ME1: variants seen among roughly 807,000 people sequenced by gnomAD.
ME1 encodes the protein malic enzyme 1.
A neutral mutation model predicts 66.4 loss-of-function variants in ME1; 74 were observed. The observed-to-expected ratio is 1.11, with a 90% CI of 0.92 to 1.35. ME1 has a LOEUF of 1.35. Ranked by LOEUF, ME1 falls within the 40% of genes most tolerant of loss-of-function variation. The pLI is 0.00. For missense variants in ME1, 750 were observed against 694.1 expected (o/e 1.08, Z -0.90); for synonymous variants, 251 against 235.6 (o/e 1.07, Z -0.60).
intron 3 of ME1, among the ~76,000 whole-genome samples, chr6:83,379,961 C>A (rs977375424): frequency 3.3e-5 from 5 of 152,102 alleles, no homozygotes; most frequent in Non-Finnish European, 5.9e-5. Flanking sequence ...AACTAAAGTT[C>A]AGATGAGACA....
Position 83,211,890 on chromosome 6 carries a change from C to A in ME1, c.*34G>T. ...TAAAAATTATGAAAGGTTTAAAGAC[C>A]TCATTAATAGAGTTAGAAATGTTTG... is the stretch of plus-strand genomic sequence containing the variant. On this transcript the variant is annotated 3_prime_UTR_variant, in exon 14 of 14. Transcript: ENST00000369705. The A allele has an allele frequency of 1.4e-6, 2 of 1,417,828 alleles. No homozygotes were observed. Among genetic ancestry groups the A allele is most frequent in the South Asian group, 1.7e-5 (1 of 59,258 alleles). 87.8% of individuals were successfully genotyped at this position (1,417,828 alleles called of 1,614,324 possible).
intron 7 of ME1, among the ~76,000 whole-genome samples, chr6:83,248,431 C>T (rs541284286): frequency 3.3e-5 from 5 of 152,072 alleles, no homozygotes; most frequent in Admixed American, 2.6e-4. Flanking sequence ...GTGTTTGTAG[C>T]GCCAAAGGCA....
chr6:83,309,999 A>G (rs1767900962), intron 6 of ME1, among the ~76,000 whole-genome samples: 1 of 152,146 alleles, frequency 6.6e-6, no homozygotes. Context: ...ACTAGGCCCA[A>G]TTGATAAATT....
chr6:83,324,716 CAAAAAAAAA>C (rs55866196), intron 5 of ME1, among the ~76,000 whole-genome samples: 2 of 49,306 alleles, frequency 4.1e-5, no homozygotes, highest in Non-Finnish European at 7.5e-5. Flanking sequence ...GCCTACCAAC[CAAAAAAAAA>C]AAAAAAAAAA....
chr6:83,252,940 A>C (rs1005681070), intron 7 of ME1, among the ~76,000 whole-genome samples: 5 of 152,186 alleles, frequency 3.3e-5, no homozygotes, highest in African/African-American at 1.2e-4. Context: ...AAATAAGATA[A>C]ACACTGAAAA....
intron 1 of ME1, among the ~76,000 whole-genome samples, chr6:83,422,252 A>C (rs1770282970): frequency 6.6e-6 from 1 of 152,202 alleles, no homozygotes; most frequent in Non-Finnish European, 1.5e-5. Flanking sequence ...CACATAATGG[A>C]CAAATACAAA....
chr6:83,354,017 G>A (rs1055262546), intron 3 of ME1, among the ~76,000 whole-genome samples: 1 of 152,044 alleles, frequency 6.6e-6, no homozygotes, highest in East Asian at 1.9e-4. Flanking sequence ...TTCTTCTCAG[G>A]TTCCTTTGCT....
At chr6:83,262,179 A>G (rs1433646898) in intron 6 of ME1, among the ~76,000 whole-genome samples, 4 of 152,204 alleles carry the variant, frequency 2.6e-5, no homozygotes, top group Non-Finnish European at 2.9e-5. Context: ...ATGGACGGCA[A>G]AGGTGGAACA....
intron 3 of ME1, among the ~76,000 whole-genome samples, chr6:83,367,420 T>A (rs1245800587): frequency 2.0e-5 from 3 of 152,194 alleles, no homozygotes; most frequent in African/African-American, 4.8e-5. Flanking sequence ...TGAATTCTCC[T>A]CTCTAGCTAT....
At chr6:83,357,952 T>TATATATATATATATATATAC (rs1317312546) in intron 3 of ME1, among the ~76,000 whole-genome samples, 1 of 118,988 alleles carries the variant, frequency 8.4e-6, no homozygotes, top group Admixed American at 9.7e-5. Flanking sequence ...TATATATATA[T>TATATATATATATATATATAC]ATATATATAT....
intron 6 of ME1, among the ~76,000 whole-genome samples, chr6:83,304,419 C>A (rs1222104614): frequency 2.0e-5 from 3 of 152,192 alleles, no homozygotes; most frequent in Admixed American, 2.0e-4. Context: ...CCAGGCAGCA[C>A]CATTCCAACC....
At chr6:83,385,186 A>T (rs1769483599) in intron 3 of ME1, among the ~76,000 whole-genome samples, 1 of 151,944 alleles carries the variant, frequency 6.6e-6, no homozygotes, top group Non-Finnish European at 1.5e-5. Flanking sequence ...ATGCAAAACT[A>T]AATACAATAT....
intron 2 of ME1, among the ~76,000 whole-genome samples, chr6:83,404,469 T>C (rs527437364): frequency 6.6e-6 from 1 of 152,334 alleles, no homozygotes; most frequent in African/African-American, 2.4e-5. Context: ...ACTCCGATGA[T>C]AGTTTCTTTT....
intron 5 of ME1, among the ~76,000 whole-genome samples, chr6:83,339,959 T>A: frequency 1.5e-5 from 2 of 132,472 alleles, no homozygotes; most frequent in Non-Finnish European, 3.2e-5. Flanking sequence ...ACCCTAAAAC[T>A]TAGAGTATAA....
intron 6 of ME1, among the ~76,000 whole-genome samples, chr6:83,260,060 C>A (rs913427357): frequency 1.3e-5 from 2 of 151,678 alleles, no homozygotes; most frequent in African/African-American, 2.4e-5. Context: ...AATCTTTTTT[C>A]TTTTAGAATG....
At chr6:83,373,670 G>T (rs1417416579) in intron 3 of ME1, among the ~76,000 whole-genome samples, 1 of 152,032 alleles carries the variant, frequency 6.6e-6, no homozygotes. Flanking sequence ...TGTTACATAG[G>T]TAAATGTGTG....
chr6:83,419,247 T>G (rs539809536), intron 1 of ME1, among the ~76,000 whole-genome samples: 1 of 152,280 alleles, frequency 6.6e-6, no homozygotes, highest in Admixed American at 6.5e-5. Context: ...ATCCACATAC[T>G]AAGGCTAGCT....
chr6:83,229,035 A>G lies in ME1; in HGVS notation c.1027-104T>C, dbSNP rs1790251299. The G allele has an allele frequency of 8.3e-6, 6 of 726,526 alleles. No homozygotes were observed. In the East Asian group the frequency reaches 1.5e-4, roughly 18 times the overall value. 45.0% of individuals were successfully genotyped at this position (726,526 alleles called of 1,614,324 possible). On this transcript the variant is annotated intron_variant, in intron 9 of 13. Transcript: ENST00000369705. ...ATATTTATGCTTAACATTTTTATGT[A>G]TGATGTGTTACAGCTATTCTTAAAA...
At chr6:83,417,341 G>A (rs1365254104) in intron 1 of ME1, among the ~76,000 whole-genome samples, 1 of 150,912 alleles carries the variant, frequency 6.6e-6, no homozygotes, top group African/African-American at 2.4e-5. Context: ...GAGCCACTGT[G>A]CCTAACTAAC....
Sources: gnomAD v4.1 joint callset for allele counts (sites outside exome capture counted in the v4.1 genomes callset) on GRCh38, gnomAD v4.1.1 for gene constraint, MANE v1.5 for transcripts, NCBI Gene and HGNC (gene_info 2026-07-23, HGNC 2026-07-21) for gene names.